NWD2: variants seen among roughly 807,000 people sequenced by gnomAD.
The protein encoded by NWD2 is NACHT and WD repeat domain containing 2, also known as NACHT and WD repeat domain-containing protein 2.
NWD2 carries 37 observed loss-of-function variants against 132.7 expected under a neutral mutation model. The ratio of observed to expected loss-of-function variants is 0.28; its 90% CI spans 0.21 to 0.37. The LOEUF (loss-of-function observed/expected upper bound fraction) is 0.37. NWD2 is among the 10% of genes least tolerant of loss of function. The pLI is 1.00. For synonymous variants in NWD2, 705 were observed against 803.0 expected, an observed-to-expected ratio of 0.88 and a Z score of 2.06; for missense variants, 1,592 against 2,122.4, an observed-to-expected ratio of 0.75 and a Z score of 4.91.
intron 1 of NWD2, among the ~76,000 whole-genome samples, chr4:37,313,971 CA>C (rs1718907001): frequency 6.8e-6 from 1 of 146,602 alleles, no homozygotes; most frequent in South Asian, 2.1e-4. Flanking sequence ...ACTGAGATTA[CA>C]GGCGTGAGCC....
At chr4:37,260,576 T>C (rs1717609124) in intron 1 of NWD2, among the ~76,000 whole-genome samples, 1 of 152,194 alleles carries the variant, frequency 6.6e-6, no homozygotes, top group South Asian at 2.1e-4. Flanking sequence ...GAAACTACAG[T>C]GTATTCATAC....
intron 1 of NWD2, among the ~76,000 whole-genome samples, chr4:37,258,552 C>T (rs1717565014): frequency 6.6e-6 from 1 of 152,138 alleles, no homozygotes; most frequent in Non-Finnish European, 1.5e-5. Context: ...GGAGAAGGCC[C>T]AGACATCCAG....
At chr4:37,371,344 G>T (rs1437141292) in intron 3 of NWD2, among the ~76,000 whole-genome samples, 1 of 151,964 alleles carries the variant, frequency 6.6e-6, no homozygotes, top group East Asian at 1.9e-4. Flanking sequence ...CCAAAGTGCT[G>T]GGATTACAGG....
At chr4:37,298,264 C>A (rs1330013630) in intron 1 of NWD2, among the ~76,000 whole-genome samples, 1 of 152,148 alleles carries the variant, frequency 6.6e-6, no homozygotes, top group Non-Finnish European at 1.5e-5. Context: ...CATGAGAGGG[C>A]ACATGCTTGA....
At chr4:37,368,687 G>A (rs1272311398) in intron 3 of NWD2, among the ~76,000 whole-genome samples, 1 of 152,160 alleles carries the variant, frequency 6.6e-6, no homozygotes, top group East Asian at 1.9e-4. Context: ...ATCTAGGGCA[G>A]GAGAGGTGAG....
chr4:37,413,436 A>C (rs1469565570), intron 3 of NWD2, among the ~76,000 whole-genome samples: 1 of 152,236 alleles, frequency 6.6e-6, no homozygotes, highest in Non-Finnish European at 1.5e-5. Flanking sequence ...ATCTCACACC[A>C]GTTAGAATGG....
At chr4:37,354,665 T>C (rs962963087) in intron 2 of NWD2, among the ~76,000 whole-genome samples, 2 of 152,164 alleles carry the variant, frequency 1.3e-5, no homozygotes, top group Non-Finnish European at 1.5e-5. Flanking sequence ...GGGATTCTGC[T>C]TCCACTGAGG....
chr4:37,245,362 A>T (rs954697698), intron 1 of NWD2, 144 bp downstream of exon 1: 4 of 1,048,118 alleles, frequency 3.8e-6, no homozygotes, highest in East Asian at 5.6e-5. Flanking sequence ...AGCGCGTGGG[A>T]ATTTAATTTG....
chr4:37,418,897 G>C (rs1488086104), intron 3 of NWD2, among the ~76,000 whole-genome samples: 1 of 151,468 alleles, frequency 6.6e-6, no homozygotes. Context: ...TCTCATTGTC[G>C]TTTTGATTTA....
chr4:37,245,294 C>A, intron 1 of NWD2, 76 bp downstream of exon 1: 1 of 1,419,688 alleles, frequency 7.0e-7, no homozygotes, highest in Non-Finnish European at 9.3e-7. Flanking sequence ...TGTGTGTCCG[C>A]CCCACAGCCC....
intron 3 of NWD2, among the ~76,000 whole-genome samples, chr4:37,377,460 G>A (rs1331017985): frequency 1.3e-5 from 2 of 152,168 alleles, no homozygotes; most frequent in African/African-American, 4.8e-5. Flanking sequence ...GACTGGGCGT[G>A]GTGGCTCACA....
In NWD2 at chr4:37,307,526, C is replaced by T. The variant is rs140097298; in HGVS notation, c.152-18410C>T. Among the ~76,000 whole-genome samples the T allele has an allele frequency of 9.2e-3, 1,395 of 152,218 alleles. 7 individuals carry two copies. The highest frequency in any genetic ancestry group is 0.015 in the Non-Finnish European group (996 of 68,006). On this transcript the variant is annotated intron_variant, in intron 1 of 6. Transcript: ENST00000309447. ...CTGAAGGGGATTTCATTATATGTGA[C>T]TTGATGCTTTTCTCTTGCGGTTTTT...
intron 1 of NWD2, among the ~76,000 whole-genome samples, chr4:37,312,370 T>C (rs1718863989): frequency 6.6e-6 from 1 of 150,600 alleles, no homozygotes; most frequent in Admixed American, 6.6e-5. Flanking sequence ...GATTCCTAGG[T>C]ATTTTATTCT....
At chr4:37,411,950 A>G (rs1472934024) in intron 3 of NWD2, among the ~76,000 whole-genome samples, 4 of 152,178 alleles carry the variant, frequency 2.6e-5, no homozygotes, top group African/African-American at 9.7e-5. Context: ...CATGCTAACA[A>G]CTCTCAATAA....
At chr4:37,289,581 C>T (rs1283792903) in intron 1 of NWD2, among the ~76,000 whole-genome samples, 1 of 152,088 alleles carries the variant, frequency 6.6e-6, no homozygotes. Flanking sequence ...GTATTCTGCT[C>T]TTAACACTTT....
intron 3 of NWD2, among the ~76,000 whole-genome samples, chr4:37,371,076 T>TC (rs1255001226): frequency 2.0e-5 from 2 of 100,440 alleles, no homozygotes; most frequent in Non-Finnish European, 3.8e-5. Flanking sequence ...TTTTTTCTTT[T>TC]TCTTTTTTTT....
chr4:37,360,400 G>A (rs557515584), intron 3 of NWD2, among the ~76,000 whole-genome samples: 6 of 152,136 alleles, frequency 3.9e-5, no homozygotes, highest in Non-Finnish European at 7.4e-5. Flanking sequence ...TCAGTCAAAT[G>A]TTAAAGGATT....
chr4:37,341,850 A>G (rs1719533443), intron 2 of NWD2, among the ~76,000 whole-genome samples: 1 of 152,194 alleles, frequency 6.6e-6, no homozygotes, highest in South Asian at 2.1e-4. Flanking sequence ...AATCTTAGCT[A>G]TGGTAATCAG....
chr4:37,378,484 A>G (rs1480691186), intron 3 of NWD2, among the ~76,000 whole-genome samples: 2 of 152,224 alleles, frequency 1.3e-5, no homozygotes, highest in African/African-American at 4.8e-5. Context: ...AAGGAAGTCC[A>G]TTTTCCCATG....
Sources: gnomAD v4.1 joint callset for allele counts (sites outside exome capture counted in the v4.1 genomes callset) on GRCh38, gnomAD v4.1.1 for gene constraint, MANE v1.5 for transcripts, NCBI Gene and HGNC (gene_info 2026-07-23, HGNC 2026-07-21) for gene names.